RIPK1: variants seen among roughly 807,000 people sequenced by gnomAD.
RIPK1 encodes receptor interacting serine/threonine kinase 1.
Under a neutral mutation model 62.4 loss-of-function variants are expected in RIPK1, and 27 were observed. The observed-to-expected ratio is 0.43, with a 90% CI of 0.32 to 0.60. The LOEUF (loss-of-function observed/expected upper bound fraction) is 0.60, where lower values mean the gene tolerates loss of function less well. Among genes scored for constraint, RIPK1 ranks in the 20% least tolerant of loss-of-function variants. The pLI, the probability that RIPK1 is intolerant of heterozygous loss-of-function variation, is 0.07. For missense variants in RIPK1, 735 were observed against 831.0 expected, an observed-to-expected ratio of 0.88 and a Z score of 1.42; for synonymous variants, 287 against 303.2, an observed-to-expected ratio of 0.95 and a Z score of 0.55.
chr6:3,073,597 T>C (rs1758881162), intron 1 of RIPK1, among the ~76,000 whole-genome samples: 1 of 152,164 alleles, frequency 6.6e-6, no homozygotes, highest in Non-Finnish European at 1.5e-5. Context: ...TGTAGTTGTT[T>C]CCTGAGGCAC....
rs528488975 is a variant in RIPK1, at chr6:3,105,257, C to T, written c.1007-225C>T. On this transcript the variant is annotated intron_variant, in intron 8 of 10. Transcript: ENST00000259808. This position sits in a 1 kb window ranked among gnomAD's most constrained non-coding sequence, Gnocchi z 4.5. ...TCATCCCTGCAACAGCCGCTTTTCT[C>T]TTGCTTGCTATAATTTTCCTAGTAC... Among the ~76,000 whole-genome samples the T allele has an allele frequency of 6.6e-6, 1 of 152,278 alleles. No homozygotes were observed. The highest frequency in any genetic ancestry group is 2.4e-5 in the African/African-American group (1 of 41,554).
At chr6:3,066,201 T>C (rs1216775057), upstream of RIPK1, among the ~76,000 whole-genome samples, 1 of 152,040 alleles carries the variant, frequency 6.6e-6, no homozygotes. Context: ...TTTTTGTATT[T>C]TTAGTAGAGA....
intron 5 of RIPK1, among the ~76,000 whole-genome samples, chr6:3,084,895 G>T (rs7753662): frequency 0.93 from 141,116 of 152,204 alleles, 65,609 homozygotes; most frequent in Non-Finnish European, 0.97. Flanking sequence ...CCCAGCCTCA[G>T]CCTTCTTGAA....
chr6:3,067,751 TTTC>T (rs1264659720), upstream of RIPK1, among the ~76,000 whole-genome samples: 24 of 152,154 alleles, frequency 1.6e-4, no homozygotes, highest in African/African-American at 5.8e-4. Flanking sequence ...TTTTTTTTTT[TTTC>T]CTTTTGAGAC....
Position 3,104,332 on chromosome 6 carries a change from T to G in RIPK1, c.1006+17T>G. 1 of 1,312,256 alleles carries G rather than the reference T, an allele frequency of 7.6e-7. No individual in the cohort carries two copies. The highest frequency in any genetic ancestry group is 1.1e-6 in the Non-Finnish European group (1 of 906,746). The allele number at this position is 1,312,256 out of a possible 1,614,324, so 81.3% of individuals were successfully genotyped here. Reference sequence around the variant, plus strand: ...CAAATTCAGGTAAATTACACTATGGTCAAAATCTATTCATTTATTTGTTTG... The same window carrying G: ...CAAATTCAGGTAAATTACACTATGGGCAAAATCTATTCATTTATTTGTTTG... On this transcript the variant is annotated intron_variant, in intron 8 of 10. Coordinates refer to ENST00000259808, the MANE Select transcript of RIPK1 (RefSeq NM_001354930.2).
intron 7 of RIPK1, among the ~76,000 whole-genome samples, chr6:3,097,443 A>G (rs1393297001): frequency 6.6e-6 from 1 of 152,224 alleles, no homozygotes; most frequent in African/African-American, 2.4e-5. Flanking sequence ...ATCTACACAT[A>G]CCTAGAAACT....
In RIPK1 at chr6:3,113,054, T is replaced by G. The variant is rs1761245333; in HGVS notation, c.1731T>G (p.Asp577Glu). The G allele has an allele frequency of 1.3e-6, 2 of 1,531,122 alleles. No homozygotes were observed. The highest frequency in any genetic ancestry group is 1.4e-5 in the African/African-American group (1 of 72,160). The allele number at this position is 1,531,122 out of a possible 1,614,324, so 94.8% of individuals were successfully genotyped here. A position where few individuals can be genotyped will look rare whatever the true frequency, so the allele number is the denominator to read the frequency against. The change falls in exon 11 of 11, where the codon GAT becomes GAG. Residue 577 changes from aspartate to glutamate, a missense_variant and splice_region_variant. Physicochemically the swap from Asp to Glu is conservative, Grantham distance 45 (BLOSUM62 2). Transcript: ENST00000259808. This position sits in a 1 kb window ranked among gnomAD's most constrained non-coding sequence, Gnocchi z 5.0. ...EPAAKYQAIFDNTTSLTDKHL... is the reference protein window; with the variant it reads ...EPAAKYQAIFENTTSLTDKHL... ...CTTCTTCTTTTTCCCATTTGGCAGA[T>G]AATACCACTAGTCTGACGGATAAAC...
intron 6 of RIPK1, among the ~76,000 whole-genome samples, chr6:3,087,625 T>C (rs189348143): frequency 0.014 from 2,064 of 151,900 alleles, 20 homozygotes; most frequent in Non-Finnish European, 0.019. Flanking sequence ...GCGCAAGCTC[T>C]GCCTCCTGGG....
intron 9 of RIPK1, among the ~76,000 whole-genome samples, chr6:3,108,505 C>T (rs1262476636): frequency 1.3e-5 from 2 of 152,126 alleles, no homozygotes; most frequent in South Asian, 2.1e-4. Context: ...TGTAAGCCCG[C>T]GGTGAGCGCA....
upstream of RIPK1, among the ~76,000 whole-genome samples, chr6:3,067,552 G>A (rs907329108): frequency 1.3e-5 from 2 of 151,674 alleles, no homozygotes; most frequent in Non-Finnish European, 2.9e-5. Context: ...GCTTTTGCCC[G>A]CCTTTAATCA....
chr6:3,106,283 T>C (rs1561775131), intron 9 of RIPK1, among the ~76,000 whole-genome samples: 1 of 152,200 alleles, frequency 6.6e-6, no homozygotes, highest in East Asian at 1.9e-4. Flanking sequence ...TTACAGGTCC[T>C]TGTGACTGGC....
At chr6:3,099,677 C>T (rs530357031) in intron 7 of RIPK1, among the ~76,000 whole-genome samples, 20 of 152,276 alleles carry the variant, frequency 1.3e-4, no homozygotes, top group South Asian at 8.3e-4. Context: ...AAAATGAACC[C>T]GTTACAATTT....
intron 8 of RIPK1, among the ~76,000 whole-genome samples, chr6:3,104,517 T>C (rs1285759722): frequency 1.3e-5 from 2 of 152,062 alleles, no homozygotes; most frequent in Non-Finnish European, 2.9e-5. Flanking sequence ...TCACCAGTCA[T>C]AGAGTGTTCT....
At chr6:3,085,905 T>A (rs1759663361) in intron 6 of RIPK1, among the ~76,000 whole-genome samples, 1 of 152,276 alleles carries the variant, frequency 6.6e-6, no homozygotes, top group African/African-American at 2.4e-5. Flanking sequence ...ATCTGTGTTG[T>A]AGCATATGTC....
rs149949748 is a variant in RIPK1, at chr6:3,076,978, A to G, written c.155A>G (p.Asn52Ser). Residue 52 changes from asparagine (N) to serine (S), a missense_variant, in exon 2 of 11, where the codon AAC becomes AGC. Around this residue, in one of 2 missense-constraint regions of RIPK1, gnomAD observed 671 missense variants for 726.2 expected, o/e 0.92. Coordinates refer to ENST00000259808, the MANE Select transcript of RIPK1 (RefSeq NM_001354930.2). ...MIMKTVYKGP[N>S]CIEHNEALLE... is the part of the protein sequence containing the mutation. The stretch of plus-strand genomic sequence containing the variant: ...ATGAAAACAGTGTACAAGGGGCCCA[A>G]CTGCATTGAGTGAGTAGGGAGCAGG... 5.3e-5 allele frequency: 82 copies of G among 1,550,168 alleles called. No individual in the cohort carries two copies. The highest frequency in any genetic ancestry group is 1.6e-5 in the Non-Finnish European group (18 of 1,136,370).
In RIPK1 at chr6:3,076,699, C is replaced by CATATATATATATAT. The variant is rs10526418; in HGVS notation, c.-60-51_-60-38dup. The CATATATATATATAT allele has an allele frequency of 4.0e-3, 866 of 217,546 alleles. 36 individuals carry two copies. Among genetic ancestry groups the CATATATATATATAT allele is most frequent in the African/African-American group, 0.015 (373 of 24,140 alleles). The allele number at this position is 217,546 out of a possible 1,614,324, so 13.5% of individuals were successfully genotyped here. On this transcript the variant is annotated intron_variant, in intron 1 of 10. Coordinates refer to ENST00000259808, the MANE Select transcript of RIPK1 (RefSeq NM_001354930.2). Reference sequence around the variant, plus strand: ...TGTCTCCAAAGGAGAAAAAAAAAAACATATATATATATATATATATATATA... The same window carrying CATATATATATATAT: ...TGTCTCCAAAGGAGAAAAAAAAAAACATATATATATATATATATATATATATATATATATATATA...
intron 7 of RIPK1, among the ~76,000 whole-genome samples, chr6:3,096,517 A>T (rs951267578): frequency 3.1e-4 from 45 of 146,828 alleles, no homozygotes; most frequent in African/African-American, 1.1e-3. Context: ...AAATTGATCT[A>T]TAGAATCAAT....
intron 7 of RIPK1, among the ~76,000 whole-genome samples, chr6:3,094,032 A>G (rs574312434): frequency 7.2e-6 from 1 of 138,970 alleles, no homozygotes; most frequent in Admixed American, 7.1e-5. Context: ...TACCTGCCGC[A>G]CCTAGTAACT....
chr6:3,076,948 T>C lies in RIPK1; in HGVS notation c.125T>C (p.Met42Thr), dbSNP rs1469814684. The C allele has an allele frequency of 6.2e-7, 1 of 1,611,380 alleles. No individual in the cohort carries two copies. The highest frequency in any genetic ancestry group is 8.5e-7 in the Non-Finnish European group (1 of 1,179,098). ...SLCFHRTQGL[M>T]IMKTVYKGPN... is the part of the protein sequence containing the mutation. Reference sequence around the variant, plus strand: ...TGTTTCCACAGAACCCAGGGACTCATGATCATGAAAACAGTGTACAAGGGG... The same window carrying C: ...TGTTTCCACAGAACCCAGGGACTCACGATCATGAAAACAGTGTACAAGGGG... The change falls in exon 2 of 11, where the codon ATG (methionine) becomes ACG (threonine). Residue 42 changes from methionine to threonine, a missense_variant. Met to Thr is a moderately conservative substitution (Grantham distance 81, BLOSUM62 -1). Transcript: ENST00000259808.
Sources: gnomAD v4.1 joint callset for allele counts (sites outside exome capture counted in the v4.1 genomes callset) on GRCh38, gnomAD v4.1.1 for gene constraint, gnomAD v4.1.1 regional missense constraint, Gnocchi (gnomAD v3.1) non-coding constraint, MANE v1.5 for transcripts, NCBI Gene and HGNC (gene_info 2026-07-23, HGNC 2026-07-21) for gene names.